BMP7: variants seen among roughly 807,000 people sequenced by gnomAD.
BMP7 encodes the protein osteogenic protein 1.
A neutral mutation model predicts 41.2 loss-of-function variants in BMP7; 12 were observed. The ratio of observed to expected loss-of-function variants is 0.29; its 90% CI spans 0.19 to 0.47. The LOEUF is 0.47. Among genes scored for constraint, BMP7 ranks in the 20% least tolerant of loss-of-function variants. BMP7 has a pLI of 0.99. For missense variants in BMP7, 467 were observed against 606.0 expected (o/e 0.77, Z 2.41); for synonymous variants, 248 against 250.0 (o/e 0.99, Z 0.07).
intron 2 of BMP7, among the ~76,000 whole-genome samples, chr20:57,203,345 G>A (rs1278796625): frequency 6.6e-6 from 1 of 152,204 alleles, no homozygotes; most frequent in East Asian, 1.9e-4. Flanking sequence ...ACAGGGGATG[G>A]AGGGTGAATG....
At chr20:57,191,341 G>T (rs1344762633) in intron 3 of BMP7, among the ~76,000 whole-genome samples, 1 of 152,090 alleles carries the variant, frequency 6.6e-6, no homozygotes, top group Non-Finnish European at 1.5e-5. Flanking sequence ...CAGAAGGAAA[G>T]TTCCCTCCCA....
rs1014675322 is a variant in BMP7, at chr20:57,214,705, G to A, written c.612-12082C>T. On this transcript the variant is annotated intron_variant, in intron 2 of 6. Transcript: ENST00000395863. The surrounding 1 kb of genome is among the most constrained non-coding windows in gnomAD (Gnocchi z 4.0). ...ACTGATGCCCTAATGGTGCATCCACGTCGGACACGCTCCAAGCCCAAGTCC... is the reference window on the plus strand; with the variant it reads ...ACTGATGCCCTAATGGTGCATCCACATCGGACACGCTCCAAGCCCAAGTCC... Among the ~76,000 whole-genome samples, 1 of 152,182 alleles carries A rather than the reference G, an allele frequency of 6.6e-6. No homozygotes were observed. Among genetic ancestry groups the A allele is most frequent in the East Asian group, 1.9e-4 (1 of 5,196 alleles).
intron 1 of BMP7, among the ~76,000 whole-genome samples, chr20:57,262,635 C>G (rs1397192254): frequency 6.6e-6 from 1 of 152,128 alleles, no homozygotes; most frequent in African/African-American, 2.4e-5. Flanking sequence ...GTCCCCCCTC[C>G]CGCGCACGCA....
chr20:57,211,030 C>A (rs1984866872), intron 2 of BMP7, among the ~76,000 whole-genome samples: 1 of 152,194 alleles, frequency 6.6e-6, no homozygotes, highest in South Asian at 2.1e-4. Flanking sequence ...CACAGCCCCC[C>A]ACCACCTTCA....
intron 2 of BMP7, among the ~76,000 whole-genome samples, chr20:57,225,664 TG>T (rs1216617418): frequency 3.3e-5 from 5 of 152,148 alleles, no homozygotes; most frequent in African/African-American, 1.2e-4. Context: ...GGTTCTAGGT[TG>T]AAAAACAAAA....
intron 2 of BMP7, among the ~76,000 whole-genome samples, chr20:57,218,336 C>T (rs995572344): frequency 6.6e-6 from 1 of 152,216 alleles, no homozygotes; most frequent in Admixed American, 6.5e-5. Flanking sequence ...CCAGGAGGTT[C>T]TGACAACAGC....
At chr20:57,255,884 T>C (rs917579292) in intron 1 of BMP7, among the ~76,000 whole-genome samples, 2 of 151,168 alleles carry the variant, frequency 1.3e-5, no homozygotes, top group African/African-American at 4.9e-5. Context: ...GCTCTTCCAT[T>C]GTGGACAAGA....
chr20:57,190,965 C>T (rs992846739), intron 3 of BMP7, among the ~76,000 whole-genome samples: 2 of 152,156 alleles, frequency 1.3e-5, no homozygotes, highest in African/African-American at 4.8e-5. Context: ...TCACTAATGC[C>T]AGTAGCACCT....
intron 1 of BMP7, among the ~76,000 whole-genome samples, chr20:57,263,811 A>T (rs535700194): frequency 1.1e-4 from 13 of 122,824 alleles, no homozygotes; most frequent in African/African-American, 5.6e-4. Context: ...ACATTGTTTT[A>T]AAAAAATCAC....
At chr20:57,230,574 AGCCCAGGTCCT>A (rs1478832700) in intron 1 of BMP7, among the ~76,000 whole-genome samples, 35 of 151,354 alleles carry the variant, frequency 2.3e-4, no homozygotes, top group African/African-American at 8.5e-4. Flanking sequence ...CTGGGATTCA[AGCCCAGGTCCT>A]GCCCAAACCA....
intron 2 of BMP7, among the ~76,000 whole-genome samples, chr20:57,211,147 C>T (rs1185334472): frequency 2.6e-5 from 4 of 152,230 alleles, no homozygotes; most frequent in Admixed American, 2.6e-4. Flanking sequence ...CTACTGCACA[C>T]TAGGCTCTTA....
At chr20:57,209,986 C>T (rs1984841360) in intron 2 of BMP7, among the ~76,000 whole-genome samples, 1 of 152,160 alleles carries the variant, frequency 6.6e-6, no homozygotes, top group Non-Finnish European at 1.5e-5. Context: ...CAGTTTTTTC[C>T]ACTCCTCTAA....
intron 6 of BMP7, 129 bp downstream of exon 6, chr20:57,173,071 G>T (rs1415693077): frequency 1.0e-6 from 1 of 965,044 alleles, no homozygotes; most frequent in Non-Finnish European, 1.6e-6. Flanking sequence ...GGCGCAAGGG[G>T]CCCCCAAAAG....
intron 1 of BMP7, among the ~76,000 whole-genome samples, chr20:57,230,881 G>A (rs1410006355): frequency 1.3e-5 from 2 of 151,808 alleles, no homozygotes. Context: ...TTTTCACCAT[G>A]TTAGCCAGGA....
chr20:57,253,148 T>G (rs1168237416), intron 1 of BMP7, among the ~76,000 whole-genome samples: 1 of 152,102 alleles, frequency 6.6e-6, no homozygotes, highest in African/African-American at 2.4e-5. Flanking sequence ...AGGGCCTGAG[T>G]AGGCATAAGG....
intron 4 of BMP7, among the ~76,000 whole-genome samples, chr20:57,178,735 C>T (rs780822488): frequency 6.6e-6 from 1 of 152,142 alleles, no homozygotes; most frequent in Admixed American, 6.5e-5. Context: ...GGAGAAGGAA[C>T]ATCCCCTCAG....
chr20:57,246,781 G>T (rs2066092235), intron 1 of BMP7, among the ~76,000 whole-genome samples: 1 of 152,156 alleles, frequency 6.6e-6, no homozygotes, highest in Non-Finnish European at 1.5e-5. Flanking sequence ...CTGAGGTTGG[G>T]AGTTCAAGAC....
At chr20:57,184,020 T>G in intron 3 of BMP7, 101 bp from the exon 4 acceptor site, 2 of 1,277,828 alleles carry the variant, frequency 1.6e-6, no homozygotes, top group South Asian at 2.5e-5. Context: ...ATTCATGAAC[T>G]CCTTATTCCT....
chr20:57,175,187 C>A (rs530565073), intron 4 of BMP7, among the ~76,000 whole-genome samples, 180 bp from the exon 5 acceptor site: 1 of 152,232 alleles, frequency 6.6e-6, no homozygotes, highest in African/African-American at 2.4e-5. Flanking sequence ...CTCATTTCTA[C>A]CCCCAGCAAA....
Sources: allele counts gnomAD v4.1 joint callset (sites outside exome capture counted in the v4.1 genomes callset), GRCh38; gene constraint gnomAD v4.1.1; non-coding constraint Gnocchi (gnomAD v3.1); transcripts MANE v1.5; gene names NCBI Gene and HGNC (gene_info 2026-07-23, HGNC 2026-07-21).